The following CTNNA2 variants were observed in gnomAD, a reference collection of about 807,000 sequenced individuals.
The protein encoded by CTNNA2 is catenin alpha-2.
In CTNNA2, 42 loss-of-function variants were observed where a neutral mutation model predicts 101.0. The ratio of observed to expected loss-of-function variants is 0.42; its 90% CI spans 0.32 to 0.54. The LOEUF is 0.54. Ranked by LOEUF, CTNNA2 falls within the 20% of genes least tolerant of loss-of-function variation. The probability of loss-of-function intolerance (pLI) is 0.14; values close to 1 mark genes in which losing one functional copy is unlikely to be tolerated. For synonymous variants in CTNNA2, 450 were observed against 456.4 expected (o/e 0.99, Z 0.18); for missense variants, 871 against 1,223.1 (o/e 0.71, Z 4.29).
In CTNNA2 at chr2:80,545,883, C is replaced by T. The variant is rs780188451; in HGVS notation, c.1384-24C>T. The stretch of plus-strand genomic sequence containing the variant: ...CTTTTGAAGTGTGTGGTCATCATGT[C>T]CCTGGATTGTTTCCAACAAATAGGT... On this transcript the variant is annotated intron_variant, in intron 10 of 18. Coordinates refer to ENST00000402739, the MANE Select transcript of CTNNA2 (RefSeq NM_001282597.3). 8 of 1,610,350 alleles carry T rather than the reference C, an allele frequency of 5.0e-6. No individual in the cohort carries two copies. The East Asian group carries it at 1.8e-4, about 36-fold the overall frequency.
At chr2:80,554,219 G>A (rs1362288587) in intron 11 of CTNNA2, among the ~76,000 whole-genome samples, 1 of 152,046 alleles carries the variant, frequency 6.6e-6, no homozygotes, top group African/African-American at 2.4e-5. Flanking sequence ...GTGGAGACTA[G>A]GATTTGCTGG....
intron 9 of CTNNA2, among the ~76,000 whole-genome samples, chr2:80,528,696 TAAATAA>T (rs973971938): frequency 4.6e-5 from 7 of 152,068 alleles, no homozygotes; most frequent in East Asian, 1.9e-4. Flanking sequence ...AATAAATAAA[TAAATAA>T]AAATAAAAAT....
At chr2:79,386,904 G>T (rs991049032) in intron 4 of CTNNA2, among the ~76,000 whole-genome samples, 1 of 152,082 alleles carries the variant, frequency 6.6e-6, no homozygotes, top group South Asian at 2.1e-4. Flanking sequence ...TATTTGCTAG[G>T]TGCATTTATT....
intron 9 of CTNNA2, among the ~76,000 whole-genome samples, chr2:80,456,151 C>T (rs545955513): frequency 4.6e-5 from 7 of 152,294 alleles, no homozygotes; most frequent in African/African-American, 1.7e-4. Flanking sequence ...CCTTCAGTTA[C>T]TGGTCTCTAT....
At chr2:79,782,702 A>G (rs1573957240) in intron 3 of CTNNA2, among the ~76,000 whole-genome samples, 2 of 152,156 alleles carry the variant, frequency 1.3e-5, no homozygotes, top group African/African-American at 4.8e-5. Context: ...GTCTCTACAT[A>G]AGAATCACTT....
intron 11 of CTNNA2, among the ~76,000 whole-genome samples, chr2:80,549,040 A>G (rs1419507823): frequency 1.3e-5 from 2 of 152,158 alleles, no homozygotes; most frequent in Non-Finnish European, 2.9e-5. Flanking sequence ...GTCCATATGA[A>G]ATGCAACAAG....
intron 3 of CTNNA2, among the ~76,000 whole-genome samples, chr2:79,775,717 A>G (rs1277533889): frequency 6.6e-6 from 1 of 152,182 alleles, no homozygotes; most frequent in Non-Finnish European, 1.5e-5. Flanking sequence ...CGAAACAAAT[A>G]AATGCCATTT....
chr2:79,402,715 C>A (rs1236132873), intron 4 of CTNNA2, among the ~76,000 whole-genome samples: 1 of 151,768 alleles, frequency 6.6e-6, no homozygotes, highest in African/African-American at 2.4e-5. Flanking sequence ...GAACATTATT[C>A]AACTTAAACC....
intron 9 of CTNNA2, among the ~76,000 whole-genome samples, chr2:80,463,786 A>G (rs907760834): frequency 6.6e-6 from 1 of 152,148 alleles, no homozygotes; most frequent in Non-Finnish European, 1.5e-5. Flanking sequence ...TATCTAGTAT[A>G]TATTTTCTAG....
chr2:79,604,403 T>G (rs1677750152), intron 1 of CTNNA2, among the ~76,000 whole-genome samples: 1 of 152,172 alleles, frequency 6.6e-6, no homozygotes, highest in East Asian at 1.9e-4. Flanking sequence ...CCCAGCCTAC[T>G]AGACTGAGGG....
intron 18 of CTNNA2, among the ~76,000 whole-genome samples, chr2:80,628,262 A>C (rs964916327): frequency 2.6e-5 from 4 of 151,996 alleles, no homozygotes; most frequent in African/African-American, 7.3e-5. Flanking sequence ...GGAAAAAAAA[A>C]CACTTTAAAT....
At position 80,424,847 on chromosome 2, in the gene CTNNA2, A is replaced by G. The variant is rs191414118; in HGVS notation, c.1290+5246A>G. 6.7e-3 allele frequency among the ~76,000 whole-genome samples: 1,027 copies of G among 152,268 alleles called. 5 individuals are homozygous for G. Among genetic ancestry groups the G allele is most frequent in the South Asian group, 0.027 (131 of 4,820 alleles). On this transcript the variant is annotated intron_variant, in intron 9 of 18. Coordinates refer to ENST00000402739, the MANE Select transcript of CTNNA2 (RefSeq NM_001282597.3). ...CTATTTGCAACTTAACTGACTGTCA[A>G]ACGCCTTGGGGAAAAACTGGGGATG...
chr2:79,924,615 AC>A (rs1686897204), intron 7 of CTNNA2, among the ~76,000 whole-genome samples: 1 of 152,140 alleles, frequency 6.6e-6, no homozygotes, highest in Non-Finnish European at 1.5e-5. Context: ...AGGGGCTATA[AC>A]TAGACATAGG....
intron 2 of CTNNA2, among the ~76,000 whole-genome samples, chr2:79,252,636 T>C (rs191403463): frequency 1.4e-4 from 21 of 152,118 alleles, no homozygotes; most frequent in African/African-American, 4.8e-4. Flanking sequence ...TTTATATTCA[T>C]CTAAGGTGGG....
chr2:80,413,349 T>C (rs1023725475), intron 8 of CTNNA2, among the ~76,000 whole-genome samples: 3 of 152,230 alleles, frequency 2.0e-5, no homozygotes, highest in African/African-American at 7.2e-5. Flanking sequence ...TTTTGCTTCA[T>C]GAAAGACAGT....
intron 7 of CTNNA2, among the ~76,000 whole-genome samples, chr2:80,339,093 A>G (rs1285159996): frequency 6.6e-6 from 1 of 152,198 alleles, no homozygotes; most frequent in Non-Finnish European, 1.5e-5. Context: ...GGAAGTGTGT[A>G]TATAGGGAGT....
At chr2:80,323,092 A>AGGGTCAGTGCTGGCACCG (rs1678876849) in intron 7 of CTNNA2, among the ~76,000 whole-genome samples, 1 of 152,206 alleles carries the variant, frequency 6.6e-6, no homozygotes, top group East Asian at 1.9e-4. Flanking sequence ...AGGAGTGACC[A>AGGGTCAGTGCTGGCACCG]GGGTCAGTGC....
At chr2:80,559,271 T>C (rs184448641) in intron 12 of CTNNA2, among the ~76,000 whole-genome samples, 32 of 152,276 alleles carry the variant, frequency 2.1e-4, no homozygotes, top group Admixed American at 2.0e-3. Flanking sequence ...AAGAAGAATC[T>C]GTAAAAGGGC....
chr2:80,429,307 A>G (rs1418118594), intron 9 of CTNNA2, among the ~76,000 whole-genome samples: 1 of 152,198 alleles, frequency 6.6e-6, no homozygotes, highest in African/African-American at 2.4e-5. Flanking sequence ...AACCTTATGA[A>G]GTAGCCATTA....
Sources: allele counts gnomAD v4.1 joint callset (sites outside exome capture counted in the v4.1 genomes callset), GRCh38; gene constraint gnomAD v4.1.1; transcripts MANE v1.5; gene names NCBI Gene and HGNC (gene_info 2026-07-23, HGNC 2026-07-21).